The following MROH9 variants were observed in gnomAD, a reference collection of about 807,000 sequenced individuals.
The protein encoded by MROH9 is maestro heat-like repeat-containing protein family member 9.
Under a neutral mutation model 98.2 loss-of-function variants are expected in MROH9, and 92 were observed. That is an observed-to-expected ratio of 0.94 (90% CI 0.79 to 1.11). The LOEUF (loss-of-function observed/expected upper bound fraction) is 1.11. Among genes scored for constraint, MROH9 ranks in the 50% most tolerant of loss-of-function variants. MROH9 has a pLI of 0.00. For missense variants in MROH9, 1,057 were observed against 1,014.8 expected, an observed-to-expected ratio of 1.04 and a Z score of -0.57; for synonymous variants, 397 against 368.9, an observed-to-expected ratio of 1.08 and a Z score of -0.87.
intron 12 of MROH9, 75 bp downstream of exon 12, chr1:170,992,404 C>T: frequency 6.9e-7 from 1 of 1,441,628 alleles, no homozygotes; most frequent in South Asian, 1.3e-5. Flanking sequence ...TGCCCACAGA[C>T]TCAATCATAC....
chr1:170,945,508 TA>T lies in MROH9; in HGVS notation c.-37-11del, dbSNP rs745480875. On this transcript the variant is annotated splice_polypyrimidine_tract_variant and intron_variant, in intron 1 of 21. Coordinates refer to ENST00000367759, the MANE Select transcript of MROH9 (RefSeq NM_001163629.2). ...TTCTGGTTTATGTACTAATACGTGA[TA>T]TTTTTTGCAGCATTACTAGTAGAAG... 9 of 1,603,456 alleles carry T rather than the reference TA, an allele frequency of 5.6e-6. No homozygotes were observed. Among genetic ancestry groups the T allele is most frequent in the African/African-American group, 2.7e-5 (2 of 74,630 alleles).
At chr1:171,059,292 A>T (rs1365209116) in intron 20 of MROH9, among the ~76,000 whole-genome samples, 1 of 152,210 alleles carries the variant, frequency 6.6e-6, no homozygotes, top group Non-Finnish European at 1.5e-5. Flanking sequence ...TATGAAAAAA[A>T]GTGCAACATC....
At chr1:170,970,941 G>A (rs947925136) in intron 7 of MROH9, among the ~76,000 whole-genome samples, 5 of 152,150 alleles carry the variant, frequency 3.3e-5, no homozygotes, top group Non-Finnish European at 7.3e-5. Context: ...TGTCTTGGAG[G>A]CAAGAACTAT....
chr1:171,021,037 G>A (rs1488622234), intron 17 of MROH9, among the ~76,000 whole-genome samples: 1 of 151,956 alleles, frequency 6.6e-6, no homozygotes, highest in African/African-American at 2.4e-5. Flanking sequence ...AAAATACCTA[G>A]GAATACAGCT....
intron 20 of MROH9, among the ~76,000 whole-genome samples, chr1:171,056,419 T>C (rs1007913839): frequency 2.0e-5 from 3 of 152,170 alleles, no homozygotes; most frequent in African/African-American, 7.2e-5. Context: ...TCATCCTTCC[T>C]CACTGGGTGG....
intron 20 of MROH9, among the ~76,000 whole-genome samples, chr1:171,057,663 T>C (rs954347755): frequency 3.3e-5 from 5 of 151,816 alleles, no homozygotes; most frequent in Non-Finnish European, 5.9e-5. Flanking sequence ...AGATACATAA[T>C]CATCAGATTC....
chr1:171,030,661 T>C (rs1362361927), intron 20 of MROH9, among the ~76,000 whole-genome samples: 7 of 152,242 alleles, frequency 4.6e-5, no homozygotes, highest in Non-Finnish European at 5.9e-5. Context: ...CTGTTTGTTA[T>C]GATTTCAGTT....
chr1:170,957,870 G>A (rs1367502524), intron 3 of MROH9, among the ~76,000 whole-genome samples: 1 of 150,694 alleles, frequency 6.6e-6, no homozygotes, highest in East Asian at 1.9e-4. Context: ...GTGCAGTGGG[G>A]CCATCTCGGC....
intron 20 of MROH9, among the ~76,000 whole-genome samples, chr1:171,038,934 A>C (rs963919318): frequency 2.0e-5 from 3 of 149,832 alleles, no homozygotes; most frequent in South Asian, 4.2e-4. Context: ...ATTCATGAAG[A>C]AAAAAAAAAG....
chr1:171,058,185 T>C (rs956764914), intron 20 of MROH9, among the ~76,000 whole-genome samples: 13 of 151,922 alleles, frequency 8.6e-5, no homozygotes, highest in African/African-American at 2.7e-4. Context: ...AAGCATTTCT[T>C]TACACCAACA....
At chr1:170,959,966 A>T (rs1469051720) in intron 5 of MROH9, among the ~76,000 whole-genome samples, 1 of 152,240 alleles carries the variant, frequency 6.6e-6, no homozygotes, top group African/African-American at 2.4e-5. Flanking sequence ...CAGCATTGCT[A>T]TACAGTGAAC....
chr1:171,004,461 G>T (rs1307745510), intron 15 of MROH9, among the ~76,000 whole-genome samples: 1 of 152,136 alleles, frequency 6.6e-6, no homozygotes, highest in Non-Finnish European at 1.5e-5. Flanking sequence ...ACTTGGCTCA[G>T]CTCTCTGATT....
chr1:170,995,582 G>A, intron 13 of MROH9, 51 bp downstream of exon 13: 1 of 1,597,534 alleles, frequency 6.3e-7, no homozygotes, highest in Middle Eastern at 1.7e-4. Flanking sequence ...GCGTCCAGCT[G>A]TCAATACTTC....
intron 17 of MROH9, among the ~76,000 whole-genome samples, chr1:171,017,806 C>G (rs569965535): frequency 6.6e-5 from 10 of 152,296 alleles, no homozygotes. Context: ...CCTCTTCAGG[C>G]TTGACCTGGA....
At chr1:171,008,267 A>G (rs1462055725) in intron 15 of MROH9, among the ~76,000 whole-genome samples, 1 of 152,144 alleles carries the variant, frequency 6.6e-6, no homozygotes, top group Non-Finnish European at 1.5e-5. Flanking sequence ...CTTATTAATA[A>G]TATATAATGG....
At chr1:171,002,961 T>C (rs1298405481) in intron 15 of MROH9, among the ~76,000 whole-genome samples, 3 of 152,178 alleles carry the variant, frequency 2.0e-5, no homozygotes, top group Non-Finnish European at 4.4e-5. Context: ...CTTACTCTTT[T>C]TGTCTTTGTT....
intron 8 of MROH9, among the ~76,000 whole-genome samples, chr1:170,978,822 C>T (rs901110140): frequency 2.6e-5 from 4 of 152,142 alleles, no homozygotes; most frequent in African/African-American, 9.7e-5. Context: ...CAGGAATGCT[C>T]TGTGCTGGGA....
At chr1:170,980,601 T>C (rs1288327679) in intron 8 of MROH9, among the ~76,000 whole-genome samples, 4 of 152,092 alleles carry the variant, frequency 2.6e-5, no homozygotes, top group African/African-American at 4.8e-5. Context: ...CTTCCTTACA[T>C]CTTACACAAA....
chr1:171,009,208 A>G (rs1652064630), intron 15 of MROH9, among the ~76,000 whole-genome samples: 1 of 151,978 alleles, frequency 6.6e-6, no homozygotes, highest in South Asian at 2.1e-4. Flanking sequence ...TTCGACGCAT[A>G]AAGTTATTGT....
Sources: allele counts gnomAD v4.1 joint callset (sites outside exome capture counted in the v4.1 genomes callset), GRCh38; gene constraint gnomAD v4.1.1; transcripts MANE v1.5; gene names NCBI Gene and HGNC (gene_info 2026-07-23, HGNC 2026-07-21).